The following VPS37A variants were observed in gnomAD, a reference collection of about 807,000 sequenced individuals.
The protein encoded by VPS37A is vacuolar protein sorting-associated protein 37A.
In VPS37A, 30 loss-of-function variants were observed where a neutral mutation model predicts 49.8. The observed-to-expected ratio is 0.60, with a 90% CI of 0.45 to 0.82. VPS37A has a LOEUF of 0.82. Among genes scored for constraint, VPS37A ranks in the 40% least tolerant of loss-of-function variants. The pLI is 0.00. For missense variants in VPS37A, 593 were observed against 464.4 expected (o/e 1.28, Z -2.55); for synonymous variants, 195 against 160.6 (o/e 1.21, Z -1.62).
chr8:17,311,741 A>C, the VPS37A span: 6 of 1,530,998 alleles, frequency 3.9e-6, no homozygotes, highest in African/African-American at 1.4e-5. Context: ...AGAAACAGCC[A>C]AAACGAAACA....
At chr8:17,281,590 T>C (rs985935994) in intron 9 of VPS37A, among the ~76,000 whole-genome samples, 5 of 151,876 alleles carry the variant, frequency 3.3e-5, no homozygotes, top group Non-Finnish European at 5.9e-5. Flanking sequence ...AATAAGAGAG[T>C]AATGCCTCAT....
intron 10 of VPS37A, among the ~76,000 whole-genome samples, chr8:17,284,937 G>A (rs1305591068): frequency 6.6e-6 from 1 of 152,106 alleles, no homozygotes; most frequent in Non-Finnish European, 1.5e-5. Context: ...ATAAATGAGA[G>A]TGAGGGCCTG....
At chr8:17,328,450 G>C in the VPS37A span, among the ~76,000 whole-genome samples, 1 of 151,960 alleles carries the variant, frequency 6.6e-6, no homozygotes, top group Non-Finnish European at 1.5e-5. Context: ...ATTATCCTCA[G>C]TAAACTAACT....
chr8:17,299,714 C>G (rs1586121241), downstream of VPS37A: 26 of 1,058,010 alleles, frequency 2.5e-5, no homozygotes, highest in South Asian at 3.7e-4. Flanking sequence ...AAATCAAGAA[C>G]TGGGCACTTT....
At chr8:17,308,596 C>G in the VPS37A span, among the ~76,000 whole-genome samples, 2 of 152,088 alleles carry the variant, frequency 1.3e-5, no homozygotes, top group Admixed American at 1.3e-4. Flanking sequence ...AATTTTATCA[C>G]CAAAGACTAA....
rs550724003 is a variant in VPS37A at position 17,275,639 on chromosome 8, G to A, written c.642+681G>A. Among the ~76,000 whole-genome samples the A allele has an allele frequency of 1.5e-4, 23 of 152,290 alleles. 1 individual carries two copies. The highest frequency in any genetic ancestry group is 5.3e-4 in the African/African-American group (22 of 41,564). ...GGTTTAAAAGCTTGTATATTCTTAA[G>A]CTGGTAACTGTTGCTATGTGGAATG... On this transcript the variant is annotated intron_variant, in intron 5 of 11. Transcript: ENST00000324849.
At chr8:17,252,134 A>G (rs1245617594) in intron 1 of VPS37A, among the ~76,000 whole-genome samples, 1 of 152,158 alleles carries the variant, frequency 6.6e-6, no homozygotes, top group Non-Finnish European at 1.5e-5. Context: ...TCAACAGTCA[A>G]AATTTGCAAT....
intron 1 of VPS37A, among the ~76,000 whole-genome samples, chr8:17,256,804 C>T (rs1043646328): frequency 6.6e-6 from 1 of 152,052 alleles, no homozygotes; most frequent in Non-Finnish European, 1.5e-5. Flanking sequence ...AGGCACTCAC[C>T]ACCACACCCG....
At chr8:17,265,684 A>G (rs536765351) in intron 1 of VPS37A, 3 of 1,243,816 alleles carry the variant, frequency 2.4e-6, no homozygotes, top group Non-Finnish European at 3.3e-6. Flanking sequence ...TTACATCATC[A>G]TCCCCCTTCC....
the VPS37A span, among the ~76,000 whole-genome samples, chr8:17,325,574 A>G: frequency 6.6e-6 from 1 of 152,162 alleles, no homozygotes; most frequent in Admixed American, 6.5e-5. Flanking sequence ...GATCGCCCAC[A>G]TGCCTGAGCT....
intron 9 of VPS37A, among the ~76,000 whole-genome samples, chr8:17,282,171 A>G (rs928875390): frequency 3.0e-4 from 45 of 152,240 alleles, no homozygotes; most frequent in African/African-American, 1.0e-3. Context: ...TTAAAACAGT[A>G]TAGTAGTTTT....
chr8:17,300,307 C>T, downstream of VPS37A: 2 of 1,377,544 alleles, frequency 1.5e-6, no homozygotes, highest in Non-Finnish European at 2.0e-6. Context: ...GCATTTGTTA[C>T]CTCCCACGTG....
intron 6 of VPS37A, among the ~76,000 whole-genome samples, chr8:17,276,974 A>G (rs1167601231): frequency 6.6e-6 from 1 of 152,132 alleles, no homozygotes; most frequent in African/African-American, 2.4e-5. Flanking sequence ...AAAATGTTTC[A>G]TGAAGAAAAT....
intron 11 of VPS37A, among the ~76,000 whole-genome samples, chr8:17,292,130 G>C (rs1173456889): frequency 2.0e-5 from 3 of 152,116 alleles, no homozygotes; most frequent in Non-Finnish European, 1.5e-5. Context: ...CTAAGAACTT[G>C]CTTTATGAAT....
chr8:17,262,070 G>A (rs1042114004), intron 1 of VPS37A, among the ~76,000 whole-genome samples: 2 of 148,836 alleles, frequency 1.3e-5, no homozygotes, highest in Non-Finnish European at 3.0e-5. Context: ...TAGAAATCGT[G>A]AGTCGAGGGG....
chr8:17,303,512 A>C (rs1383847597), downstream of VPS37A, among the ~76,000 whole-genome samples: 1 of 152,156 alleles, frequency 6.6e-6, no homozygotes, highest in Non-Finnish European at 1.5e-5. Flanking sequence ...TACAAGCCTA[A>C]CAAGGAAGCC....
At chr8:17,310,477 TTGA>T in the VPS37A span, among the ~76,000 whole-genome samples, 13 of 152,162 alleles carry the variant, frequency 8.5e-5, no homozygotes, top group Non-Finnish European at 1.8e-4. Context: ...TGAGAACAAG[TTGA>T]TGATGGAAAC....
chr8:17,313,783 A>G, the VPS37A span, among the ~76,000 whole-genome samples: 14 of 152,240 alleles, frequency 9.2e-5, no homozygotes, highest in African/African-American at 3.4e-4. Flanking sequence ...AAAAAATCAT[A>G]TAACTAAGTG....
At chr8:17,263,624 A>G (rs1813167781) in intron 1 of VPS37A, among the ~76,000 whole-genome samples, 1 of 152,232 alleles carries the variant, frequency 6.6e-6, no homozygotes, top group Non-Finnish European at 1.5e-5. Context: ...AATCAAATTT[A>G]TTTTAATATG....
Sources: gnomAD v4.1 joint callset for allele counts (sites outside exome capture counted in the v4.1 genomes callset) on GRCh38, gnomAD v4.1.1 for gene constraint, MANE v1.5 for transcripts, NCBI Gene and HGNC (gene_info 2026-07-23, HGNC 2026-07-21) for gene names.